CEMIP: variants seen among roughly 807,000 people sequenced by gnomAD.
The protein encoded by CEMIP is cell migration-inducing and hyaluronan-binding protein.
Under a neutral mutation model 156.9 loss-of-function variants are expected in CEMIP, and 105 were observed. That is an observed-to-expected ratio of 0.67 (90% CI 0.57 to 0.79). The LOEUF is 0.79. Among genes scored for constraint, CEMIP ranks in the 30% least tolerant of loss-of-function variants. The pLI is 0.00. For missense variants in CEMIP, 1,457 were observed against 1,769.4 expected (o/e 0.82, Z 3.17); for synonymous variants, 676 against 668.4 (o/e 1.01, Z -0.17).
At position 80,946,961 on chromosome 15, in the gene CEMIP, A is replaced by C. The variant is rs1901581985; in HGVS notation, c.3858-4A>C. The C allele has an allele frequency of 6.2e-7, 1 of 1,605,402 alleles. No individual in the cohort carries two copies. Among genetic ancestry groups the C allele is most frequent in the Non-Finnish European group, 8.5e-7 (1 of 1,172,162 alleles). ...TCTGGTCTAATTGGTTTCTTCTCAC[A>C]CAGTTCCATAGTGCTTATGGCATCA... On this transcript the variant is annotated splice_region_variant and splice_polypyrimidine_tract_variant and intron_variant, in intron 28 of 29. Transcript: ENST00000394685.
chr15:80,820,185 T>C (rs1896877332), intron 1 of CEMIP, among the ~76,000 whole-genome samples: 2 of 152,204 alleles, frequency 1.3e-5, no homozygotes, highest in Admixed American at 1.3e-4. Context: ...CCTGACTGAT[T>C]TTCCTCTATT....
chr15:80,889,807 T>C (rs1898974041), intron 10 of CEMIP, among the ~76,000 whole-genome samples: 1 of 152,152 alleles, frequency 6.6e-6, no homozygotes, highest in Non-Finnish European at 1.5e-5. Context: ...GGGTCCAGCT[T>C]CTGAGTTCCT....
chr15:80,815,819 G>A (rs1054713394), intron 1 of CEMIP, among the ~76,000 whole-genome samples: 6 of 152,192 alleles, frequency 3.9e-5, no homozygotes, highest in Non-Finnish European at 7.3e-5. Context: ...AGAAGTTTAA[G>A]GCGAAATGAT....
At chr15:80,946,801 C>T (rs1567114446) in intron 28 of CEMIP, 164 bp from the exon 29 acceptor site, 5 of 670,688 alleles carry the variant, frequency 7.5e-6, no homozygotes, top group East Asian at 5.6e-5. Flanking sequence ...GGAAAGAGCC[C>T]GTCAGCTCAG....
At position 80,796,991 on chromosome 15, in the gene CEMIP, A is replaced by G. The variant is rs138672777; in HGVS notation, c.-176+17377A>G. ...ATCAGATAACCTGGTACATTAAAGGAGCTATGAGTGGCTCAGGGTGGCTGG... is the reference window on the plus strand; with the variant it reads ...ATCAGATAACCTGGTACATTAAAGGGGCTATGAGTGGCTCAGGGTGGCTGG... On this transcript the variant is annotated intron_variant, in intron 1 of 29. Transcript: ENST00000394685. 2.9e-3 allele frequency among the ~76,000 whole-genome samples: 445 copies of G among 152,216 alleles called. 1 individual carries two copies. Among genetic ancestry groups the G allele is most frequent in the African/African-American group, 0.01 (423 of 41,540 alleles).
At chr15:80,798,126 T>C (rs993403637) in intron 1 of CEMIP, among the ~76,000 whole-genome samples, 1 of 152,234 alleles carries the variant, frequency 6.6e-6, no homozygotes, top group Non-Finnish European at 1.5e-5. Context: ...TGTATTTCCT[T>C]ATCACTTGGA....
intron 10 of CEMIP, among the ~76,000 whole-genome samples, chr15:80,894,191 G>A (rs1899131626): frequency 6.6e-6 from 1 of 152,158 alleles, no homozygotes; most frequent in Admixed American, 6.5e-5. Flanking sequence ...GCGGTGGGAG[G>A]AGGCAGACAT....
At chr15:80,869,620 T>C (rs1898222326) in intron 1 of CEMIP, among the ~76,000 whole-genome samples, 1 of 152,206 alleles carries the variant, frequency 6.6e-6, no homozygotes, top group South Asian at 2.1e-4. Flanking sequence ...GCTTGCCATT[T>C]GGGAGTATAG....
chr15:80,825,373 A>G (rs1396860299), intron 1 of CEMIP, among the ~76,000 whole-genome samples: 2 of 152,250 alleles, frequency 1.3e-5, no homozygotes, highest in Admixed American at 1.3e-4. Context: ...AGAAAAACAC[A>G]TAGTAGTGAA....
intron 1 of CEMIP, among the ~76,000 whole-genome samples, chr15:80,782,945 G>A (rs1228287466): frequency 3.3e-5 from 5 of 152,154 alleles, no homozygotes; most frequent in Non-Finnish European, 7.4e-5. Flanking sequence ...GACACTCTTG[G>A]AGTGAAGGCC....
At position 80,879,797 on chromosome 15, in the gene CEMIP, A is replaced by G. The variant is rs756523984; in HGVS notation, c.323A>G (p.His108Arg). ...CTGATTGACAACGGAGGAGAGCTGC[A>G]TGCTGGGAGTGCCCTCTGCCCTTTC... is the stretch of plus-strand genomic sequence containing the variant. Reference protein sequence around the residue: ...HILIDNGGELHAGSALCPFQG... With the variant: ...HILIDNGGELRAGSALCPFQG... The change falls in exon 5 of 30, where the codon CAT (histidine) becomes CGT (arginine). Residue 108 changes from histidine (H) to arginine (R), a missense_variant. Transcript: ENST00000394685. 1 of 1,614,102 alleles carries G rather than the reference A, an allele frequency of 6.2e-7. No individual in the cohort carries two copies. Among genetic ancestry groups the G allele is most frequent in the African/African-American group, 1.3e-5 (1 of 74,948 alleles).
At chr15:80,928,286 G>C (rs963888048) in intron 19 of CEMIP, among the ~76,000 whole-genome samples, 1 of 151,930 alleles carries the variant, frequency 6.6e-6, no homozygotes, top group Non-Finnish European at 1.5e-5. Context: ...GCAATCAGAC[G>C]CCCCCCAGAA....
chr15:80,856,903 GATCCCATCAC>G (rs1897865058), intron 1 of CEMIP, among the ~76,000 whole-genome samples: 1 of 152,168 alleles, frequency 6.6e-6, no homozygotes, highest in Admixed American at 6.5e-5. Flanking sequence ...CCAGGTAACT[GATCCCATCAC>G]AATGAGCCGG....
In CEMIP at chr15:80,924,164, G is replaced by C. The variant is rs192098247; in HGVS notation, c.2203-457G>C. The stretch of plus-strand genomic sequence containing the variant: ...CAGATTCTCTCTTCAAGACAGGCAG[G>C]AGCTAAAATGAAACTGTGGGAAGGT... On this transcript the variant is annotated intron_variant, in intron 17 of 29. Transcript: ENST00000394685. Among the ~76,000 whole-genome samples the C allele has an allele frequency of 3.1e-4, 47 of 152,318 alleles. 1 individual carries two copies. Among genetic ancestry groups the C allele is most frequent in the Non-Finnish European group, 1.3e-4 (9 of 68,028 alleles).
At chr15:80,930,865 C>G (rs11856090) in intron 21 of CEMIP, among the ~76,000 whole-genome samples, 3,042 of 152,240 alleles carry the variant, frequency 0.02, 110 homozygotes, top group African/African-American at 0.07. Flanking sequence ...CTGTGGAAGA[C>G]AATGTGCTTG....
At chr15:80,921,182 CAT>C (rs1413739947) in intron 16 of CEMIP, 81 bp downstream of exon 16, 32 of 1,267,914 alleles carry the variant, frequency 2.5e-5, no homozygotes, top group African/African-American at 8.8e-5. Flanking sequence ...TACCTTGAAA[CAT>C]GTGTGCTCTG....
rs911359478 is a variant in CEMIP, at chr15:80,951,231, A to C, written c.*2307A>C. The C allele has an allele frequency of 2.6e-5, 4 of 152,616 alleles. No individual in the cohort carries two copies. Among genetic ancestry groups the C allele is most frequent in the African/African-American group, 7.2e-5 (3 of 41,436 alleles). The allele number at this position is 152,616 out of a possible 1,614,324, so 9.5% of individuals were successfully genotyped here. ...ACTTTCAGGTGGCCAGGAATGTTGA[A>C]TGTCTTTGGCTCAGTTCATTTAAAA... is the stretch of plus-strand genomic sequence containing the variant. On this transcript the variant is annotated 3_prime_UTR_variant, in exon 30 of 30. Transcript: ENST00000394685.
intron 16 of CEMIP, among the ~76,000 whole-genome samples, 196 bp from the exon 17 acceptor site, chr15:80,921,813 T>C (rs1302568237): frequency 6.6e-6 from 1 of 152,234 alleles, no homozygotes. Flanking sequence ...TTAACTGTCA[T>C]GGTGGGCTCT....
chr15:80,784,239 C>G (rs1895869368), intron 1 of CEMIP, among the ~76,000 whole-genome samples: 1 of 152,216 alleles, frequency 6.6e-6, no homozygotes. Context: ...ATTTCTTTCT[C>G]TCCTGTCAGT....
Sources: gnomAD v4.1 joint callset for allele counts (sites outside exome capture counted in the v4.1 genomes callset) on GRCh38, gnomAD v4.1.1 for gene constraint, MANE v1.5 for transcripts, NCBI Gene and HGNC (gene_info 2026-07-23, HGNC 2026-07-21) for gene names.